Variants in ATE1 observed in about 807,000 individuals in gnomAD.
The protein encoded by ATE1 is arginyltransferase 1, also known as arginyl-tRNA--protein transferase 1.
ATE1 carries 36 observed loss-of-function variants against 70.5 expected under a neutral mutation model. The observed-to-expected ratio is 0.51, with a 90% CI of 0.39 to 0.67. The LOEUF is 0.67. Among genes scored for constraint, ATE1 ranks in the 30% least tolerant of loss-of-function variants. The pLI, the probability that ATE1 is intolerant of heterozygous loss-of-function variation, is 0.00. For missense variants in ATE1, 593 were observed against 629.5 expected (o/e 0.94, Z 0.62); for synonymous variants, 232 against 219.3 (o/e 1.06, Z -0.51).
chr10:121,790,154 C>A lies in ATE1; in HGVS notation c.1378+15G>T. The A allele has an allele frequency of 6.2e-7, 1 of 1,613,738 alleles. No individual in the cohort carries two copies. The highest frequency in any genetic ancestry group is 1.1e-5 in the South Asian group (1 of 91,026). ...AAAGCCAATGATTTCCAGCTGAGCTCAGCTCCAAACATACCTGCTTCTGGG... is the reference window on the plus strand; with the variant it reads ...AAAGCCAATGATTTCCAGCTGAGCTAAGCTCCAAACATACCTGCTTCTGGG... On this transcript the variant is annotated intron_variant, in intron 11 of 11. Coordinates refer to ENST00000224652, the MANE Select transcript of ATE1 (RefSeq NM_001001976.3).
At chr10:121,885,429 G>A (rs181172259) in intron 7 of ATE1, among the ~76,000 whole-genome samples, 66 of 151,646 alleles carry the variant, frequency 4.4e-4, no homozygotes, top group African/African-American at 1.6e-3. Flanking sequence ...AATTAGCCAG[G>A]CATGGTGGTG....
At chr10:121,803,132 C>T (rs1946958652) in intron 10 of ATE1, among the ~76,000 whole-genome samples, 1 of 152,128 alleles carries the variant, frequency 6.6e-6, no homozygotes, top group African/African-American at 2.4e-5. Context: ...CCCTTCCACC[C>T]CCTGACCTAA....
intron 5 of ATE1, among the ~76,000 whole-genome samples, chr10:121,908,101 A>G (rs1486287056): frequency 6.6e-6 from 1 of 152,242 alleles, no homozygotes; most frequent in Non-Finnish European, 1.5e-5. Context: ...ACAGATTGCA[A>G]CAGCAGTATG....
At chr10:121,926,103 G>A (rs980402746) in intron 1 of ATE1, among the ~76,000 whole-genome samples, 7 of 152,122 alleles carry the variant, frequency 4.6e-5, no homozygotes, top group African/African-American at 1.7e-4. Flanking sequence ...CAGCTACTCG[G>A]GAGGCTGAGG....
At chr10:121,770,233 A>AACACACAC (rs3036837) in intron 11 of ATE1, among the ~76,000 whole-genome samples, 17,361 of 136,678 alleles carry the variant, frequency 0.13, 1,174 homozygotes, top group African/African-American at 0.15. Context: ...ACAAGAGAGA[A>AACACACAC]ACACACACAC....
intron 10 of ATE1, among the ~76,000 whole-genome samples, chr10:121,806,164 T>C (rs959921251): frequency 3.9e-5 from 6 of 152,228 alleles, no homozygotes; most frequent in African/African-American, 7.2e-5. Flanking sequence ...TAAAAAACCA[T>C]AGCAGGTTGG....
chr10:121,891,179 G>A lies in ATE1; in HGVS notation c.942+8687C>T, dbSNP rs138687264. 2.1e-3 allele frequency among the ~76,000 whole-genome samples: 321 copies of A among 152,254 alleles called. 1 individual carries two copies. Among genetic ancestry groups the A allele is most frequent in the African/African-American group, 7.3e-3 (303 of 41,546 alleles). ...CTCCAGTTTGTGGCAGAAGGCAATC[G>A]GTTTTGTACAGAGGACTGAAGAGGT... On this transcript the variant is annotated intron_variant, in intron 7 of 11. Transcript: ENST00000224652.
At chr10:121,832,485 G>A (rs962888096) in intron 10 of ATE1, among the ~76,000 whole-genome samples, 5 of 152,250 alleles carry the variant, frequency 3.3e-5, no homozygotes, top group East Asian at 1.9e-4. Flanking sequence ...TAATTTGCAC[G>A]TGTTGTGGGA....
intron 11 of ATE1, among the ~76,000 whole-genome samples, chr10:121,760,843 T>G (rs1458893090): frequency 6.6e-6 from 1 of 152,144 alleles, no homozygotes; most frequent in Non-Finnish European, 1.5e-5. Context: ...TGCAGTACAG[T>G]TCTTTGTTGT....
intron 7 of ATE1, among the ~76,000 whole-genome samples, chr10:121,875,555 T>G (rs957349747): frequency 2.6e-5 from 4 of 152,138 alleles, no homozygotes; most frequent in Non-Finnish European, 4.4e-5. Context: ...TCTGCCCGCC[T>G]CGGCCTCCCA....
intron 9 of ATE1, among the ~76,000 whole-genome samples, chr10:121,837,454 T>C (rs1948472320): frequency 6.6e-6 from 1 of 152,224 alleles, no homozygotes; most frequent in Non-Finnish European, 1.5e-5. Flanking sequence ...TTCATTTGCA[T>C]CCTGATAAAT....
intron 10 of ATE1, among the ~76,000 whole-genome samples, chr10:121,805,976 G>T (rs541298223): frequency 6.6e-6 from 1 of 152,310 alleles, no homozygotes; most frequent in Non-Finnish European, 1.5e-5. Flanking sequence ...GACAGTAAGG[G>T]ACTCCTAATG....
chr10:121,795,814 A>G (rs566695094), intron 10 of ATE1, among the ~76,000 whole-genome samples: 25 of 152,324 alleles, frequency 1.6e-4, no homozygotes, highest in African/African-American at 6.0e-4. Context: ...ACGAAAACAC[A>G]GGGGGTTGAA....
chr10:121,889,796 G>A (rs1163494233), intron 7 of ATE1, among the ~76,000 whole-genome samples: 4 of 151,188 alleles, frequency 2.6e-5, no homozygotes, highest in African/African-American at 4.9e-5. Context: ...CTGGGTGACC[G>A]ACCAAGACCT....
At chr10:121,888,258 G>A (rs1292205710) in intron 7 of ATE1, among the ~76,000 whole-genome samples, 3 of 152,110 alleles carry the variant, frequency 2.0e-5, no homozygotes, top group Non-Finnish European at 2.9e-5. Context: ...GCCGGGCGTG[G>A]TGGCAGGCGC....
At chr10:121,791,177 T>A (rs1469024037) in intron 10 of ATE1, among the ~76,000 whole-genome samples, 1 of 151,298 alleles carries the variant, frequency 6.6e-6, no homozygotes, top group African/African-American at 2.4e-5. Context: ...CACTGCAACA[T>A]CTGCTTCCTG....
At chr10:121,801,041 T>C (rs929568237) in intron 10 of ATE1, among the ~76,000 whole-genome samples, 1 of 152,170 alleles carries the variant, frequency 6.6e-6, no homozygotes, top group Non-Finnish European at 1.5e-5. Context: ...AAAAACTGTG[T>C]TTGGATTGTG....
intron 11 of ATE1, among the ~76,000 whole-genome samples, chr10:121,754,549 G>A (rs6585755): frequency 0.11 from 16,952 of 152,188 alleles, 1,059 homozygotes; most frequent in Admixed American, 0.18. Context: ...CAGGGAAAGA[G>A]GACTGCTTTT....
chr10:121,796,459 T>C (rs1260038997), intron 10 of ATE1, among the ~76,000 whole-genome samples: 1 of 152,154 alleles, frequency 6.6e-6, no homozygotes, highest in Non-Finnish European at 1.5e-5. Context: ...TCTGCAACTA[T>C]TTACAAACTG....
Sources: allele counts gnomAD v4.1 joint callset (sites outside exome capture counted in the v4.1 genomes callset), GRCh38; gene constraint gnomAD v4.1.1; transcripts MANE v1.5; gene names NCBI Gene and HGNC (gene_info 2026-07-23, HGNC 2026-07-21).